Variants in CMC1 observed in about 807,000 individuals in gnomAD.
CMC1 encodes the protein COX assembly mitochondrial protein homolog.
Under a neutral mutation model 14.1 loss-of-function variants are expected in CMC1, and 14 were observed. The ratio of observed to expected loss-of-function variants is 0.99; its 90% CI spans 0.66 to 1.55. CMC1 has a LOEUF of 1.55. Ranked by LOEUF, CMC1 falls within the 40% of genes most tolerant of loss-of-function variation. The pLI is 0.00. For missense variants in CMC1, 127 were observed against 123.8 expected (o/e 1.03, Z -0.12); for synonymous variants, 50 against 38.4 (o/e 1.30, Z -1.12).
intron 3 of CMC1, 164 bp downstream of exon 3, chr3:28,316,587 T>C (rs1263438880): frequency 7.5e-6 from 3 of 402,604 alleles, no homozygotes; most frequent in Non-Finnish European, 1.3e-5. Flanking sequence ...ATGCAACATA[T>C]TTATGAAAGA....
intron 1 of CMC1, among the ~76,000 whole-genome samples, chr3:28,257,879 G>T (rs552559330): frequency 6.6e-6 from 1 of 152,000 alleles, no homozygotes; most frequent in Non-Finnish European, 1.5e-5. Context: ...TTATAACTCA[G>T]CAGTTTTCCA....
intron 1 of CMC1, among the ~76,000 whole-genome samples, chr3:28,260,536 A>G (rs1699683028): frequency 6.7e-6 from 1 of 149,822 alleles, no homozygotes; most frequent in Admixed American, 6.6e-5. Context: ...TATCCTCTCG[A>G]ACCAGCTTTA....
chr3:28,261,832 CCTGAAAAGTTGGT>C (rs1281001403), intron 1 of CMC1, among the ~76,000 whole-genome samples: 4 of 152,074 alleles, frequency 2.6e-5, no homozygotes, highest in African/African-American at 9.7e-5. Context: ...GAAAAGTTGG[CCTGAAAAGTTGGT>C]ATACCATATA....
intron 1 of CMC1, among the ~76,000 whole-genome samples, chr3:28,246,700 TTC>T (rs2125418008): frequency 6.6e-6 from 1 of 152,252 alleles, no homozygotes; most frequent in East Asian, 1.9e-4. Context: ...TTGCCGTATT[TTC>T]TCTGTTTTGC....
rs187834984 is a variant in CMC1 at position 28,254,629 on chromosome 3, T to A, written c.20-8662T>A. Among the ~76,000 whole-genome samples the A allele has an allele frequency of 7.8e-4, 119 of 152,276 alleles. 1 individual carries two copies. The highest frequency in any genetic ancestry group is 2.6e-3 in the African/African-American group (110 of 41,554). On this transcript the variant is annotated intron_variant, in intron 1 of 3. Transcript: ENST00000466830. ...TGGAAAAATGGTTTGATATTACACATCTATGTCTGTATTCAAGGAATTGAT... is the reference window on the plus strand; with the variant it reads ...TGGAAAAATGGTTTGATATTACACAACTATGTCTGTATTCAAGGAATTGAT...
chr3:28,278,121 G>A (rs1214075874), intron 2 of CMC1, among the ~76,000 whole-genome samples: 1 of 102,490 alleles, frequency 9.8e-6, no homozygotes, highest in Admixed American at 9.9e-5. Flanking sequence ...GGACTGGAGG[G>A]GTGGTAAAAA....
intron 2 of CMC1, among the ~76,000 whole-genome samples, chr3:28,279,098 T>C (rs779669121): frequency 2.0e-5 from 3 of 152,048 alleles, no homozygotes; most frequent in Admixed American, 6.6e-5. Context: ...ATGAACAAAA[T>C]AGGAAAAATA....
rs113269085 is a variant in CMC1 at position 28,295,948 on chromosome 3, A to G, written c.110-20385A>G. Among the ~76,000 whole-genome samples, 785 of 152,180 alleles carry G rather than the reference A, an allele frequency of 5.2e-3. 7 individuals are homozygous for G. Among genetic ancestry groups the G allele is most frequent in the African/African-American group, 0.017 (726 of 41,558 alleles). ...TCAAACCCATGTTGTTCAAGGGTCAACTGTATCATCTGGGTTATATTTCTC... is the reference window on the plus strand; with the variant it reads ...TCAAACCCATGTTGTTCAAGGGTCAGCTGTATCATCTGGGTTATATTTCTC... On this transcript the variant is annotated intron_variant, in intron 2 of 3. Coordinates refer to ENST00000466830, the MANE Select transcript of CMC1 (RefSeq NM_182523.2).
chr3:28,294,055 G>A (rs1203983657), intron 2 of CMC1, among the ~76,000 whole-genome samples: 1 of 152,128 alleles, frequency 6.6e-6, no homozygotes, highest in Non-Finnish European at 1.5e-5. Flanking sequence ...ATTGGTTAGA[G>A]TAAATATGAA....
chr3:28,307,033 T>G (rs1001658244), intron 2 of CMC1, among the ~76,000 whole-genome samples: 16 of 152,222 alleles, frequency 1.1e-4, no homozygotes, highest in Non-Finnish European at 2.2e-4. Context: ...TTTTAAAACA[T>G]TTTCACTTTT....
intron 2 of CMC1, among the ~76,000 whole-genome samples, chr3:28,298,771 G>A (rs1037329476): frequency 4.7e-4 from 71 of 152,136 alleles, no homozygotes; most frequent in African/African-American, 1.6e-3. Context: ...TTGCAAATAT[G>A]TAAGCATTTT....
intron 2 of CMC1, among the ~76,000 whole-genome samples, chr3:28,264,040 A>AT (rs1335642455): frequency 6.6e-6 from 1 of 152,224 alleles, no homozygotes; most frequent in East Asian, 1.9e-4. Context: ...TAGTGAGGCC[A>AT]TAATACATTT....
At chr3:28,296,328 T>C (rs1186819745) in intron 2 of CMC1, among the ~76,000 whole-genome samples, 1 of 152,112 alleles carries the variant, frequency 6.6e-6, no homozygotes, top group Non-Finnish European at 1.5e-5. Flanking sequence ...TATGATTCTT[T>C]AGTTTTAAAG....
chr3:28,323,095 T>A lies in CMC1; in HGVS notation c.*3466T>A, dbSNP rs1445756331. The stretch of plus-strand genomic sequence containing the variant: ...TTTCTATGATTAAAAATAATAATTT[T>A]AAATCACTTTCTCAATAAATAGAAT... On this transcript the variant is annotated 3_prime_UTR_variant, in exon 4 of 4. Transcript: ENST00000466830. The A allele has an allele frequency of 6.6e-6, 1 of 151,168 alleles. No individual in the cohort carries two copies. The highest frequency in any genetic ancestry group is 2.4e-5 in the African/African-American group (1 of 41,314). 9.4% of individuals were successfully genotyped at this position (151,168 alleles called of 1,614,324 possible). A position where few individuals can be genotyped will look rare whatever the true frequency, so the allele number is the denominator to read the frequency against.
At chr3:28,270,617 A>C (rs1281034168) in intron 2 of CMC1, among the ~76,000 whole-genome samples, 4 of 151,700 alleles carry the variant, frequency 2.6e-5, no homozygotes, top group Non-Finnish European at 5.9e-5. Flanking sequence ...TTTTCTTATA[A>C]ATTTGTTAAG....
At chr3:28,271,652 T>C (rs377630044) in intron 2 of CMC1, among the ~76,000 whole-genome samples, 1 of 152,306 alleles carries the variant, frequency 6.6e-6, no homozygotes, top group South Asian at 2.1e-4. Context: ...CTTTGTTCTT[T>C]TTGCTTAGGA....
intron 3 of CMC1, chr3:28,319,296 C>T (rs1559451272): frequency 1.7e-6 from 1 of 580,932 alleles, no homozygotes; most frequent in Non-Finnish European, 3.3e-6. Flanking sequence ...CTTCTCATTG[C>T]TCTATTCTGT....
Position 28,241,643 on chromosome 3 carries a change from G to C in CMC1, c.-151G>C. 8.1e-7 allele frequency: 1 copy of C among 1,232,614 alleles called. No individual in the cohort carries two copies. The highest frequency in any genetic ancestry group is 1.0e-6 in the Non-Finnish European group (1 of 987,808). 76.4% of individuals were successfully genotyped at this position (1,232,614 alleles called of 1,614,324 possible). ...GAGCCTGGGAAGGAAGAGGGAACGG[G>C]TCCTGGCGGTGCTTTGCAAAGGGCC... is the stretch of plus-strand genomic sequence containing the variant. On this transcript the variant is annotated 5_prime_UTR_variant, in exon 1 of 4. Coordinates refer to ENST00000466830, the MANE Select transcript of CMC1 (RefSeq NM_182523.2).
At chr3:28,275,259 G>A (rs1332102470) in intron 2 of CMC1, among the ~76,000 whole-genome samples, 3 of 149,950 alleles carry the variant, frequency 2.0e-5, no homozygotes, top group Admixed American at 6.6e-5. Context: ...ATGTCCTTTA[G>A]ATGGGGTTTT....
Sources: allele counts gnomAD v4.1 joint callset (sites outside exome capture counted in the v4.1 genomes callset), GRCh38; gene constraint gnomAD v4.1.1; transcripts MANE v1.5; gene names NCBI Gene and HGNC (gene_info 2026-07-23, HGNC 2026-07-21).